SV2C: variants seen among roughly 807,000 people sequenced by gnomAD.
SV2C encodes solute carrier family 22 member B3.
A neutral mutation model predicts 79.7 loss-of-function variants in SV2C; 49 were observed. The observed-to-expected ratio is 0.61, with a 90% CI of 0.49 to 0.78. SV2C has a LOEUF of 0.78. Ranked by LOEUF, SV2C falls within the 30% of genes least tolerant of loss-of-function variation. The pLI is 0.00. For synonymous variants in SV2C, 334 were observed against 333.2 expected, an observed-to-expected ratio of 1.00 and a Z score of -0.03; for missense variants, 833 against 912.9, an observed-to-expected ratio of 0.91 and a Z score of 1.13.
Position 76,300,928 on chromosome 5 carries a change from G to T in SV2C, c.1836G>T (p.Met612Ile), listed in dbSNP as rs1273882390. ...TGGACAGAATTGGGCGCTTAACAAT[G>T]CTAGGTATGTACTCAGTTTCATGTC... Reference protein sequence around the residue: ...LLMDRIGRLTMLGGSMVLSGI... With the variant: ...LLMDRIGRLTILGGSMVLSGI... Residue 612 changes from methionine to isoleucine, a missense_variant, in exon 11 of 13, where the codon ATG (methionine) becomes ATT (isoleucine). Coordinates refer to ENST00000502798, the MANE Select transcript of SV2C (RefSeq NM_014979.4). The T allele has an allele frequency of 1.2e-6, 2 of 1,614,096 alleles. No individual in the cohort carries two copies. The highest frequency in any genetic ancestry group is 2.2e-5 in the South Asian group (2 of 91,078).
chr5:76,173,964 T>A (rs769510827), intron 2 of SV2C: 1 of 1,561,970 alleles, frequency 6.4e-7, no homozygotes, highest in East Asian at 2.2e-5. Context: ...CCTTGTCCAT[T>A]TTTCATGTAT....
At chr5:76,127,305 T>G (rs1278128298) in intron 1 of SV2C, among the ~76,000 whole-genome samples, 1 of 152,186 alleles carries the variant, frequency 6.6e-6, no homozygotes, top group Non-Finnish European at 1.5e-5. Flanking sequence ...ATATGTGTGT[T>G]TGTCATGAAC....
In SV2C at chr5:76,192,829, A is replaced by AT. The variant is rs201477915; in HGVS notation, c.581-2085dup. 5.2e-3 allele frequency among the ~76,000 whole-genome samples: 787 copies of AT among 152,328 alleles called. 6 individuals carry two copies. The highest frequency in any genetic ancestry group is 0.017 in the African/African-American group (724 of 41,590). ...ATTACTACCTTTAGATCTTAAAAAT[A>AT]TTTTTAAACAGAGTGCAAGTAAAGA... On this transcript the variant is annotated intron_variant, in intron 2 of 12. Coordinates refer to ENST00000502798, the MANE Select transcript of SV2C (RefSeq NM_014979.4).
chr5:75,856,861 A>T, the SV2C span, among the ~76,000 whole-genome samples: 1 of 151,968 alleles, frequency 6.6e-6, no homozygotes, highest in Non-Finnish European at 1.5e-5. Flanking sequence ...TAGTAAAAAA[A>T]TATTTTCCCA....
rs954570892 is a variant in SV2C, at chr5:76,330,227, G to C, written c.*4680G>C. The C allele has an allele frequency of 6.6e-6, 1 of 152,118 alleles. No homozygotes were observed. The highest frequency in any genetic ancestry group is 1.5e-5 in the Non-Finnish European group (1 of 68,034). The allele number at this position is 152,118 out of a possible 1,614,324, so 9.4% of individuals were successfully genotyped here. A position where few individuals can be genotyped will look rare whatever the true frequency, so the allele number is the denominator to read the frequency against. ...CCAACCAGTCACAGAGCCATTGCCA[G>C]GGCTCCCTTCAGTCTTTCTTAAACA... On this transcript the variant is annotated 3_prime_UTR_variant, in exon 13 of 13. Coordinates refer to ENST00000502798, the MANE Select transcript of SV2C (RefSeq NM_014979.4).
At chr5:76,232,869 T>C (rs1310415656) in intron 4 of SV2C, among the ~76,000 whole-genome samples, 1 of 143,520 alleles carries the variant, frequency 7.0e-6, no homozygotes, top group African/African-American at 3.0e-5. Context: ...AAGTCAGGTA[T>C]TGTGATGCCT....
chr5:76,072,893 G>A, the SV2C span, among the ~76,000 whole-genome samples: 4 of 152,218 alleles, frequency 2.6e-5, no homozygotes, highest in South Asian at 8.3e-4. Context: ...TTGGTTATTT[G>A]TATGTCTTCT....
chr5:75,857,473 T>C, the SV2C span, among the ~76,000 whole-genome samples: 1 of 152,206 alleles, frequency 6.6e-6, no homozygotes, highest in African/African-American at 2.4e-5. Flanking sequence ...TCTGTGTGTC[T>C]GTTTATATGC....
chr5:76,237,891 T>C (rs908718862), intron 4 of SV2C, among the ~76,000 whole-genome samples: 1 of 152,088 alleles, frequency 6.6e-6, no homozygotes, highest in Non-Finnish European at 1.5e-5. Flanking sequence ...TTCAAATGTG[T>C]CTGTTACTTC....
the SV2C span, chr5:75,911,711 C>A: frequency 1.5e-6 from 1 of 654,476 alleles, no homozygotes; most frequent in Non-Finnish European, 3.0e-6. Flanking sequence ...CCTGGAGAGG[C>A]AAAGAAGATG....
At chr5:76,049,021 A>AAGAAAGAAAGAAAGAAAGAAAG in the SV2C span, among the ~76,000 whole-genome samples, 1 of 106,122 alleles carries the variant, frequency 9.4e-6, no homozygotes, top group South Asian at 4.9e-4. Flanking sequence ...GAAAGAAAGA[A>AAGAAAGAAAGAAAGAAAGAAAG]AGAAAAAGAA....
intron 1 of SV2C, among the ~76,000 whole-genome samples, chr5:76,119,976 T>C (rs1412028629): frequency 6.6e-5 from 10 of 152,176 alleles, no homozygotes; most frequent in East Asian, 1.9e-4. Flanking sequence ...CAGTAAGGTA[T>C]TGTATATTTC....
chr5:76,077,109 C>T, the SV2C span, among the ~76,000 whole-genome samples: 1 of 152,110 alleles, frequency 6.6e-6, no homozygotes, highest in African/African-American at 2.4e-5. Flanking sequence ...TCAACAACTG[C>T]TAACATCACA....
At chr5:76,054,838 GTTGT>G in the SV2C span, among the ~76,000 whole-genome samples, 2,311 of 151,970 alleles carry the variant, frequency 0.015, 43 homozygotes, top group Non-Finnish European at 0.013. Context: ...TTTTGATGGG[GTTGT>G]TTGTTTGTTT....
intron 4 of SV2C, among the ~76,000 whole-genome samples, chr5:76,210,316 C>T (rs1387982560): frequency 6.6e-6 from 1 of 152,152 alleles, no homozygotes; most frequent in Non-Finnish European, 1.5e-5. Flanking sequence ...AATTGTAAGT[C>T]CAGGCCTCTG....
chr5:76,018,000 G>A, the SV2C span, among the ~76,000 whole-genome samples: 1 of 152,182 alleles, frequency 6.6e-6, no homozygotes, highest in Non-Finnish European at 1.5e-5. Context: ...TGTGGTCACG[G>A]TGCCACAGCC....
At chr5:76,247,854 C>T (rs1358856058) in intron 4 of SV2C, among the ~76,000 whole-genome samples, 2 of 152,198 alleles carry the variant, frequency 1.3e-5, no homozygotes, top group Admixed American at 6.5e-5. Context: ...TATAAGATTA[C>T]ATGCATGCTA....
chr5:76,001,919 C>T, the SV2C span, among the ~76,000 whole-genome samples: 1 of 152,042 alleles, frequency 6.6e-6, no homozygotes, highest in East Asian at 1.9e-4. Flanking sequence ...GTACACTGTA[C>T]CCAACATGTA....
the SV2C span, among the ~76,000 whole-genome samples, chr5:75,865,034 C>T: frequency 6.6e-6 from 1 of 152,182 alleles, no homozygotes; most frequent in Admixed American, 6.5e-5. Context: ...ACAGCACTGG[C>T]CCCTGGGGTT....
Sources: allele counts gnomAD v4.1 joint callset (sites outside exome capture counted in the v4.1 genomes callset), GRCh38; gene constraint gnomAD v4.1.1; transcripts MANE v1.5; gene names NCBI Gene and HGNC (gene_info 2026-07-23, HGNC 2026-07-21).